Variants in RIMKLB observed in about 807,000 individuals in gnomAD.
RIMKLB encodes ribosomal modification protein rimK like family member B.
Under a neutral mutation model 32.0 loss-of-function variants are expected in RIMKLB, and 7 were observed. The observed-to-expected ratio is 0.22, with a 90% confidence interval of 0.12 to 0.41. RIMKLB has a LOEUF of 0.41. Among genes scored for constraint, RIMKLB ranks in the 10% least tolerant of loss-of-function variants. The pLI is 1.00. For synonymous variants in RIMKLB, 172 were observed against 185.1 expected (o/e 0.93, Z 0.57); for missense variants, 289 against 498.7 (o/e 0.58, Z 4.00).
At chr12:8,732,417 T>C (rs918987139) in intron 2 of RIMKLB, among the ~76,000 whole-genome samples, 2 of 152,210 alleles carry the variant, frequency 1.3e-5, no homozygotes, top group African/African-American at 4.8e-5. Flanking sequence ...ACAGTCACGC[T>C]TTCCTATTCC....
downstream of RIMKLB, chr12:8,779,029 G>A (rs1268856491): frequency 6.6e-6 from 1 of 152,146 alleles, no homozygotes; most frequent in Admixed American, 6.5e-5. Context: ...TTTACTAACA[G>A]AGGGAATTTG....
At chr12:8,763,245 C>T (rs886092150) in intron 5 of RIMKLB, among the ~76,000 whole-genome samples, 11 of 152,206 alleles carry the variant, frequency 7.2e-5, no homozygotes, top group African/African-American at 2.7e-4. Flanking sequence ...GCTGGTCCCT[C>T]GGACCTGTGT....
intron 5 of RIMKLB, among the ~76,000 whole-genome samples, chr12:8,770,410 C>G (rs1460785244): frequency 6.6e-6 from 1 of 152,164 alleles, no homozygotes; most frequent in African/African-American, 2.4e-5. Context: ...TCTTCTGTTT[C>G]ATGAACCCTT....
At chr12:8,688,903 C>T (rs1442170614) in intron 1 of RIMKLB, among the ~76,000 whole-genome samples, 1 of 151,816 alleles carries the variant, frequency 6.6e-6, no homozygotes, top group Non-Finnish European at 1.5e-5. Context: ...GGCACGATCT[C>T]GGCTCACTGC....
intron 3 of RIMKLB, among the ~76,000 whole-genome samples, chr12:8,751,330 T>C (rs1190678704): frequency 6.6e-6 from 1 of 152,238 alleles, no homozygotes; most frequent in East Asian, 1.9e-4. Context: ...CTGTCTCAGC[T>C]TTTCTCTCTA....
chr12:8,717,114 TTA>T (rs950418407), intron 2 of RIMKLB, among the ~76,000 whole-genome samples: 1 of 151,288 alleles, frequency 6.6e-6, no homozygotes, highest in African/African-American at 2.4e-5. Flanking sequence ...CTCTCATATC[TTA>T]TAAGGGAGGT....
chr12:8,768,226 A>G (rs1461440999), intron 5 of RIMKLB, among the ~76,000 whole-genome samples: 1 of 152,248 alleles, frequency 6.6e-6, no homozygotes, highest in Non-Finnish European at 1.5e-5. Flanking sequence ...GCAAGCCTTT[A>G]GCCCGATCAG....
intron 5 of RIMKLB, among the ~76,000 whole-genome samples, chr12:8,758,193 C>T (rs1949222376): frequency 6.6e-6 from 1 of 151,766 alleles, no homozygotes; most frequent in South Asian, 2.1e-4. Flanking sequence ...TATGAATTGC[C>T]TGTTCAGGTC....
intron 2 of RIMKLB, among the ~76,000 whole-genome samples, chr12:8,730,767 T>C (rs1475406386): frequency 6.6e-6 from 1 of 152,104 alleles, no homozygotes. Flanking sequence ...TGAGACGGAG[T>C]CTTGCTCTGT....
chr12:8,770,053 AC>A (rs1950281673), intron 5 of RIMKLB, among the ~76,000 whole-genome samples: 1 of 150,872 alleles, frequency 6.6e-6, no homozygotes, highest in Admixed American at 6.6e-5. Context: ...GCTCACTGCA[AC>A]CCCCGCTTCC....
chr12:8,726,954 T>C (rs969496570), intron 2 of RIMKLB, among the ~76,000 whole-genome samples: 2 of 152,232 alleles, frequency 1.3e-5, no homozygotes, highest in South Asian at 2.1e-4. Flanking sequence ...CCCTCCTTTC[T>C]TGGCATTTCA....
At chr12:8,767,871 C>T (rs1202131012) in intron 5 of RIMKLB, among the ~76,000 whole-genome samples, 1 of 152,190 alleles carries the variant, frequency 6.6e-6, no homozygotes, top group Non-Finnish European at 1.5e-5. Flanking sequence ...CTGGTATTTT[C>T]CTCCAATTCT....
chr12:8,778,055 G>T (rs1036268256), downstream of RIMKLB, among the ~76,000 whole-genome samples: 1 of 152,108 alleles, frequency 6.6e-6, no homozygotes, highest in Non-Finnish European at 1.5e-5. Context: ...TTGCATATAT[G>T]TCTATAATTA....
chr12:8,773,997 T>G lies in RIMKLB; in HGVS notation c.*213T>G. The G allele has an allele frequency of 7.4e-7, 1 of 1,360,332 alleles. No individual in the cohort carries two copies. Among genetic ancestry groups the G allele is most frequent in the Non-Finnish European group, 9.4e-7 (1 of 1,060,346 alleles). 84.3% of individuals were successfully genotyped at this position (1,360,332 alleles called of 1,614,324 possible). A position where few individuals can be genotyped will look rare whatever the true frequency, so the allele number is the denominator to read the frequency against. The stretch of plus-strand genomic sequence containing the variant: ...CCTACAAATAGAGAGGCAGAATAGG[T>G]GGGGTATAGAAAAATGTCAGGCTCT... On this transcript the variant is annotated 3_prime_UTR_variant, in exon 6 of 6. Transcript: ENST00000535829.
chr12:8,728,981 C>G (rs1946297461), intron 2 of RIMKLB, among the ~76,000 whole-genome samples: 1 of 152,098 alleles, frequency 6.6e-6, no homozygotes, highest in African/African-American at 2.4e-5. Context: ...ACTGCTCCAC[C>G]CCTCATGGGA....
chr12:8,782,902 T>TC (rs1951183860), intron 7 of RIMKLB: 1 of 152,178 alleles, frequency 6.6e-6, no homozygotes, highest in Admixed American at 6.5e-5. Flanking sequence ...GTTGTGTTTT[T>TC]CCCCCCTAGG....
Position 8,776,258 on chromosome 12 carries a change from T to C in RIMKLB, c.*2474T>C, listed in dbSNP as rs916021206. 2.9e-5 allele frequency: 28 copies of C among 978,042 alleles called. No homozygotes were observed. Among genetic ancestry groups the C allele is most frequent in the Middle Eastern group, 5.2e-4 (1 of 1,926 alleles). The allele number at this position is 978,042 out of a possible 1,614,324, so 60.6% of individuals were successfully genotyped here. ...TTCACTATTATGCATTCACATGATA[T>C]TAAAACGTACACTCACATGTTAGAA... On this transcript the variant is annotated 3_prime_UTR_variant, in exon 6 of 6. Transcript: ENST00000535829.
chr12:8,715,706 G>A (rs1258950349), intron 2 of RIMKLB, among the ~76,000 whole-genome samples: 1 of 152,142 alleles, frequency 6.6e-6, no homozygotes, highest in African/African-American at 2.4e-5. Flanking sequence ...CATTTACTAT[G>A]TGCTGGATAG....
At chr12:8,778,799 A>T (rs908177465), downstream of RIMKLB, among the ~76,000 whole-genome samples, 1 of 152,184 alleles carries the variant, frequency 6.6e-6, no homozygotes, top group Non-Finnish European at 1.5e-5. Context: ...CTTCTGCATA[A>T]TTTCATCCTG....
Sources: allele counts gnomAD v4.1 joint callset (sites outside exome capture counted in the v4.1 genomes callset), GRCh38; gene constraint gnomAD v4.1.1; transcripts MANE v1.5; gene names NCBI Gene and HGNC (gene_info 2026-07-23, HGNC 2026-07-21).